AK9: variants seen among roughly 807,000 people sequenced by gnomAD.
AK9 encodes the protein adenylate kinase 9, also known as adenylate kinase domain containing 1.
Under a neutral mutation model 239.6 loss-of-function variants are expected in AK9, and 191 were observed. That is an observed-to-expected ratio of 0.80 (90% CI 0.71 to 0.90). AK9 has a LOEUF of 0.90. Among genes scored for constraint, AK9 ranks in the 40% least tolerant of loss-of-function variants. The probability of loss-of-function intolerance (pLI) is 0.00; values close to 1 mark genes in which losing one functional copy is unlikely to be tolerated. For missense variants in AK9, 1,995 were observed against 2,214.7 expected, an observed-to-expected ratio of 0.90 and a Z score of 1.99; for synonymous variants, 689 against 721.0, an observed-to-expected ratio of 0.96 and a Z score of 0.71.
At chr6:109,523,756 A>G (rs938361199) in intron 29 of AK9, among the ~76,000 whole-genome samples, 16 of 152,144 alleles carry the variant, frequency 1.1e-4, no homozygotes, top group African/African-American at 3.9e-4. Context: ...ACCAAAGTCA[A>G]TTTGTCCAAG....
At chr6:109,641,404 T>G in intron 10 of AK9, 114 bp downstream of exon 10, 1 of 660,098 alleles carries the variant, frequency 1.5e-6, no homozygotes, top group South Asian at 1.9e-5. Context: ...TCCAGGCTGG[T>G]CTCAGACTCC....
chr6:109,601,904 C>CT (rs1043707982), intron 17 of AK9, among the ~76,000 whole-genome samples: 53 of 152,120 alleles, frequency 3.5e-4, no homozygotes, highest in Admixed American at 2.2e-3. Flanking sequence ...CAACCCCTGC[C>CT]TTTTTTTGCT....
chr6:109,554,525 CTTTTT>C (rs3060760), intron 24 of AK9, among the ~76,000 whole-genome samples: 1 of 77,464 alleles, frequency 1.3e-5, no homozygotes, highest in African/African-American at 4.4e-5. Flanking sequence ...TATTTCTTTT[CTTTTT>C]TTTTTTTTTT....
At chr6:109,609,936 T>C (rs1793370216) in intron 17 of AK9, among the ~76,000 whole-genome samples, 1 of 152,158 alleles carries the variant, frequency 6.6e-6, no homozygotes, top group African/African-American at 2.4e-5. Context: ...GTGTGTCCTC[T>C]CATCTCCCCT....
intron 29 of AK9, 71 bp downstream of exon 29, chr6:109,528,940 T>C (rs1780870599): frequency 6.3e-7 from 1 of 1,577,556 alleles, no homozygotes; most frequent in South Asian, 1.1e-5. Context: ...TGAGCTATGA[T>C]TGTGCCACTG....
At chr6:109,587,911 T>C (rs184881476) in intron 17 of AK9, among the ~76,000 whole-genome samples, 1 of 152,296 alleles carries the variant, frequency 6.6e-6, no homozygotes, top group East Asian at 1.9e-4. Context: ...CCATTAACAG[T>C]GTATAAATAA....
Position 109,675,772 on chromosome 6 carries a change from G to C in AK9, c.-11-16C>G, listed in dbSNP as rs1199283099. On this transcript the variant is annotated splice_polypyrimidine_tract_variant and intron_variant, in intron 1 of 40. Coordinates refer to ENST00000424296, the MANE Select transcript of AK9 (RefSeq NM_001145128.3). Reference sequence around the variant, plus strand: ...ACACAAAATACTACAATAAAAAAGGGTAAGATTGTTAACTTGTCTAATTTG... The same window carrying C: ...ACACAAAATACTACAATAAAAAAGGCTAAGATTGTTAACTTGTCTAATTTG... 7.0e-7 allele frequency: 1 copy of C among 1,434,982 alleles called. No individual in the cohort carries two copies. Among genetic ancestry groups the C allele is most frequent in the East Asian group, 2.4e-5 (1 of 41,308 alleles). The allele number at this position is 1,434,982 out of a possible 1,614,324, so 88.9% of individuals were successfully genotyped here. A position where few individuals can be genotyped will look rare whatever the true frequency, so the allele number is the denominator to read the frequency against.
chr6:109,576,354 A>T (rs1363560222), intron 20 of AK9, among the ~76,000 whole-genome samples: 1 of 146,468 alleles, frequency 6.8e-6, no homozygotes, highest in Non-Finnish European at 1.5e-5. Context: ...TTCTTTCAGC[A>T]GTGTTTTGTA....
At position 109,632,946 on chromosome 6, in the gene AK9, G is replaced by C; in HGVS notation, c.1231C>G (p.Leu411Val). ...YSGKTTLCNM[L>V]AENYKGKVVD... The stretch of plus-strand genomic sequence containing the variant: ...ACCTTTCCTTTGTAATTTTCTGCAA[G>C]CATATTGCAAAGTGTTGTTTTCCCT... The change falls in exon 12 of 41, where the codon CTT becomes GTT. Residue 411 changes from leucine (L) to valine (V), a missense_variant. By Grantham distance (32) the Leu-to-Val change is conservative (BLOSUM62 1). This residue lies in a region of AK9 where 1,290 missense variants were observed against 1,392.7 expected (regional missense o/e 0.93). Coordinates refer to ENST00000424296, the MANE Select transcript of AK9 (RefSeq NM_001145128.3). 6.2e-7 allele frequency: 1 copy of C among 1,613,318 alleles called. No individual in the cohort carries two copies. The highest frequency in any genetic ancestry group is 8.5e-7 in the Non-Finnish European group (1 of 1,179,758).
intron 7 of AK9, among the ~76,000 whole-genome samples, chr6:109,657,685 G>C (rs549613521): frequency 2.5e-4 from 38 of 151,942 alleles, no homozygotes; most frequent in Non-Finnish European, 4.6e-4. Flanking sequence ...ATCTCCTAAT[G>C]CTATCCCTCC....
At chr6:109,497,361 C>CAG (rs1354376917) in intron 38 of AK9, 104 bp downstream of exon 38, 5 of 626,400 alleles carry the variant, frequency 8.0e-6, no homozygotes, top group Admixed American at 7.8e-5. Context: ...CACACACACA[C>CAG]ACTCTCTCTC....
intron 17 of AK9, among the ~76,000 whole-genome samples, chr6:109,596,879 G>A (rs780303947): frequency 8.5e-5 from 13 of 152,094 alleles, no homozygotes; most frequent in South Asian, 2.1e-4. Flanking sequence ...TTGCTGGATC[G>A]TACTGTAGTT....
At position 109,584,767 on chromosome 6, in the gene AK9, C is replaced by T. The variant is rs564744929; in HGVS notation, c.2114+356G>A. ...CACAAGTACTATATATTTTCATCTG[C>T]TTCCTATGATGTTGTTTCTTCAATT... On this transcript the variant is annotated intron_variant, in intron 19 of 40. Coordinates refer to ENST00000424296, the MANE Select transcript of AK9 (RefSeq NM_001145128.3). Among the ~76,000 whole-genome samples, 4 of 152,202 alleles carry T rather than the reference C, an allele frequency of 2.6e-5. No individual in the cohort carries two copies. The East Asian group carries it at 7.7e-4, about 29-fold the overall frequency.
At position 109,499,127 on chromosome 6, in the gene AK9, C is replaced by T. The variant is rs958762420; in HGVS notation, c.4963G>A (p.Asp1655Asn). The change falls in exon 36 of 41, where the codon GAT (aspartate) becomes AAT (asparagine). Residue 1655 changes from aspartate to asparagine, a missense_variant. Transcript: ENST00000424296. ...TCCAAGGAGTCAGTTGCAGAGCAAT[C>T]AAATAATTCCTGGGATTCTGCCAGG... The part of the protein sequence containing the change: ...VSLAESQELF[D>N]CSATDSLEFA... 5.6e-6 allele frequency: 9 copies of T among 1,610,408 alleles called. No individual in the cohort carries two copies. The East Asian group carries it at 2.0e-4, about 36-fold the overall frequency.
At chr6:109,580,528 G>A (rs1400817937) in intron 19 of AK9, among the ~76,000 whole-genome samples, 3 of 152,140 alleles carry the variant, frequency 2.0e-5, no homozygotes, top group Non-Finnish European at 4.4e-5. Flanking sequence ...TTAAGGAAGA[G>A]CCCATTCATG....
intron 12 of AK9, among the ~76,000 whole-genome samples, chr6:109,620,112 T>G (rs1794639296): frequency 6.6e-6 from 1 of 152,152 alleles, no homozygotes; most frequent in Non-Finnish European, 1.5e-5. Flanking sequence ...AAAGCCGTGA[T>G]GAACACTTGT....
chr6:109,528,919 C>T (rs749838984), intron 29 of AK9, 92 bp downstream of exon 29: 27 of 1,542,558 alleles, frequency 1.8e-5, no homozygotes, highest in South Asian at 1.7e-4. Flanking sequence ...CCCAGGAGTT[C>T]GAGGTTGCAG....
intron 27 of AK9, among the ~76,000 whole-genome samples, chr6:109,540,089 C>T (rs1782656430): frequency 6.6e-6 from 1 of 151,974 alleles, no homozygotes; most frequent in South Asian, 2.1e-4. Context: ...GTTCTCAGAT[C>T]TCAAACTCTG....
intron 5 of AK9, among the ~76,000 whole-genome samples, chr6:109,665,008 C>A (rs992434919): frequency 3.9e-5 from 6 of 152,118 alleles, no homozygotes; most frequent in Non-Finnish European, 8.8e-5. Context: ...CCACTGCACT[C>A]CAGCCTGGGC....
Sources: gnomAD v4.1 joint callset for allele counts (sites outside exome capture counted in the v4.1 genomes callset) on GRCh38, gnomAD v4.1.1 for gene constraint, gnomAD v4.1.1 regional missense constraint, MANE v1.5 for transcripts, NCBI Gene and HGNC (gene_info 2026-07-23, HGNC 2026-07-21) for gene names.